The following MYH9 variants were observed in gnomAD, a reference collection of about 807,000 sequenced individuals.
MYH9 encodes myosin-9.
MYH9 carries 29 observed loss-of-function variants against 241.9 expected under a neutral mutation model. The observed-to-expected ratio is 0.12, with a 90% CI of 0.09 to 0.16. The LOEUF (loss-of-function observed/expected upper bound fraction) is 0.16, where lower values mean the gene tolerates loss of function less well. MYH9 is among the 10% of genes least tolerant of loss of function. The probability of loss-of-function intolerance (pLI) is 1.00; values close to 1 mark genes in which losing one functional copy is unlikely to be tolerated. For synonymous variants in MYH9, 1,047 were observed against 1,062.6 expected, an observed-to-expected ratio of 0.99 and a Z score of 0.29; for missense variants, 1,803 against 2,595.5, an observed-to-expected ratio of 0.69 and a Z score of 6.63.
chr22:36,295,420 G>A lies in MYH9; in HGVS notation c.3485+85C>T. ...GGCCACGGTGTGTGTGTGTGTGTGT[G>A]TGCAGAGGCCCGGGGTCCATGTCTC... is the stretch of plus-strand genomic sequence containing the variant. On this transcript the variant is annotated intron_variant, in intron 26 of 40. Coordinates refer to ENST00000216181, the MANE Select transcript of MYH9 (RefSeq NM_002473.6). The surrounding 1 kb of genome is among the most constrained non-coding windows in gnomAD (Gnocchi z 4.1). 1 of 1,077,636 alleles carries A rather than the reference G, an allele frequency of 9.3e-7. No individual in the cohort carries two copies. The highest frequency in any genetic ancestry group is 1.4e-6 in the Non-Finnish European group (1 of 716,782). The allele number at this position is 1,077,636 out of a possible 1,614,324, so 66.8% of individuals were successfully genotyped here.
At chr22:36,371,699 G>A (rs1430492947) in intron 1 of MYH9, among the ~76,000 whole-genome samples, 1 of 152,072 alleles carries the variant, frequency 6.6e-6, no homozygotes, top group Middle Eastern at 3.2e-3. Flanking sequence ...ACCATGCCTG[G>A]CTAATTTTTG....
Position 36,306,081 on chromosome 22 carries a change from C to G in MYH9, c.2038-30G>C. On this transcript the variant is annotated intron_variant, in intron 16 of 40. Transcript: ENST00000216181. The surrounding 1 kb of genome is among the most constrained non-coding windows in gnomAD (Gnocchi z 4.1). ...AGAAGAAAACACATGCATGCGGTCTCACTTCCGTGCCTAGAACAGTCGGAG... is the reference window on the plus strand; with the variant it reads ...AGAAGAAAACACATGCATGCGGTCTGACTTCCGTGCCTAGAACAGTCGGAG... 6.2e-7 allele frequency: 1 copy of G among 1,611,694 alleles called. No individual in the cohort carries two copies. The highest frequency in any genetic ancestry group is 8.5e-7 in the Non-Finnish European group (1 of 1,179,970).
At chr22:36,313,570 C>G (rs1008711902) in intron 13 of MYH9, among the ~76,000 whole-genome samples, 5 of 152,100 alleles carry the variant, frequency 3.3e-5, no homozygotes, top group African/African-American at 1.2e-4. Flanking sequence ...CTCTACCTGG[C>G]AAGAGGTTTA....
intron 23 of MYH9, among the ~76,000 whole-genome samples, chr22:36,299,575 G>A (rs1569535165): frequency 6.6e-6 from 1 of 152,168 alleles, no homozygotes; most frequent in Non-Finnish European, 1.5e-5. Flanking sequence ...CCGGGTGGGC[G>A]TCCTGCCACC....
chr22:36,321,503 G>A (rs1214362682), intron 7 of MYH9, among the ~76,000 whole-genome samples: 4 of 152,302 alleles, frequency 2.6e-5, no homozygotes, highest in East Asian at 3.9e-4. Context: ...CTACCTCTGG[G>A]AGCCACACTA....
chr22:36,302,280 A>T, intron 20 of MYH9: 1 of 368,274 alleles, frequency 2.7e-6, no homozygotes, highest in South Asian at 2.5e-5. Context: ...GGACAAGTTT[A>T]AAAATAAAGA....
intron 1 of MYH9, among the ~76,000 whole-genome samples, chr22:36,382,474 C>CA (rs1359462853): frequency 6.7e-6 from 1 of 149,332 alleles, no homozygotes; most frequent in African/African-American, 2.5e-5. Flanking sequence ...GACTCAGTCT[C>CA]AAAAAACAAA....
intron 3 of MYH9, among the ~76,000 whole-genome samples, chr22:36,331,833 T>C (rs1467553881): frequency 1.3e-5 from 2 of 151,948 alleles, no homozygotes; most frequent in African/African-American, 4.8e-5. Flanking sequence ...GAGAAATGGG[T>C]ATGGGCCAAG....
intron 2 of MYH9, among the ~76,000 whole-genome samples, chr22:36,347,823 T>C (rs991568246): frequency 2.3e-4 from 28 of 120,510 alleles, no homozygotes; most frequent in African/African-American, 8.7e-4. Flanking sequence ...AAAAAAACAA[T>C]AGTAAGATGG....
Position 36,286,749 on chromosome 22 carries a change from C to T in MYH9, c.5030G>A (p.Ser1677Asn), listed in dbSNP as rs1384893810. ...CAACTGGATCATCTCGGCCTCCATGCTCTTCAGCTTCTTCTCGTTCTCTTT... is the reference window on the plus strand; with the variant it reads ...CAACTGGATCATCTCGGCCTCCATGTTCTTCAGCTTCTTCTCGTTCTCTTT... ...QAKENEKKLK[S>N]MEAEMIQLQE... The change falls in exon 35 of 41, where the codon AGC becomes AAC. Residue 1677 changes from serine (S) to asparagine (N), a missense_variant. Ser to Asn is a conservative substitution (Grantham distance 46). Coordinates refer to ENST00000216181, the MANE Select transcript of MYH9 (RefSeq NM_002473.6). 1 of 1,613,286 alleles carries T rather than the reference C, an allele frequency of 6.2e-7. No homozygotes were observed. The highest frequency in any genetic ancestry group is 1.7e-5 in the Admixed American group (1 of 60,036).
At chr22:36,317,939 C>T (rs1435997158) in intron 11 of MYH9, among the ~76,000 whole-genome samples, 2 of 152,232 alleles carry the variant, frequency 1.3e-5, no homozygotes, top group Non-Finnish European at 2.9e-5. Flanking sequence ...ACCAATCAGC[C>T]AAAATACCAT....
chr22:36,349,839 A>G (rs983313534), intron 1 of MYH9, among the ~76,000 whole-genome samples: 23 of 152,226 alleles, frequency 1.5e-4, no homozygotes, highest in African/African-American at 4.6e-4. Context: ...GACAGATGCA[A>G]TTCAAGTCGC....
At position 36,293,260 on chromosome 22, in the gene MYH9, G is replaced by T; in HGVS notation, c.4095+69C>A. The T allele has an allele frequency of 6.2e-7, 1 of 1,601,358 alleles. No individual in the cohort carries two copies. On this transcript the variant is annotated intron_variant, in intron 30 of 40. Transcript: ENST00000216181. The surrounding 1 kb of genome is among the most constrained non-coding windows in gnomAD (Gnocchi z 5.1). ...CCAGCGGGCAGGGCTGTCCTGCAGTGCCCAGGCCAGTGCCCGGCCAGCAGC... is the reference window on the plus strand; with the variant it reads ...CCAGCGGGCAGGGCTGTCCTGCAGTTCCCAGGCCAGTGCCCGGCCAGCAGC...
chr22:36,318,344 T>C lies in MYH9; in HGVS notation c.1109-19A>G, dbSNP rs758790336. ...TGGGCAGCTAAGATTTTTCAGAGAA[T>C]AAGAGAGGGACAAAAAGTCCTAATT... On this transcript the variant is annotated intron_variant, in intron 10 of 40. Transcript: ENST00000216181. 3.2e-6 allele frequency: 5 copies of C among 1,585,702 alleles called. No individual in the cohort carries two copies. The South Asian group carries it at 4.4e-5, about 14-fold the overall frequency.
chr22:36,380,463 G>A (rs1217482829), intron 1 of MYH9, among the ~76,000 whole-genome samples: 2 of 152,314 alleles, frequency 1.3e-5, no homozygotes, highest in East Asian at 1.9e-4. Flanking sequence ...CCAGGTGGCC[G>A]GGTGCGGTGG....
In MYH9 at chr22:36,320,744, C is replaced by T; in HGVS notation, c.868+54G>A. 1 of 1,478,728 alleles carries T rather than the reference C, an allele frequency of 6.8e-7. No homozygotes were observed. The highest frequency in any genetic ancestry group is 1.1e-5 in the South Asian group (1 of 87,316). The allele number at this position is 1,478,728 out of a possible 1,614,324, so 91.6% of individuals were successfully genotyped here. ...AATGATGTCTACGGTCCAATTCTGGCAAGAGGCCCAGAGCCCGGCAGCCCC... is the reference window on the plus strand; with the variant it reads ...AATGATGTCTACGGTCCAATTCTGGTAAGAGGCCCAGAGCCCGGCAGCCCC... On this transcript the variant is annotated intron_variant, in intron 8 of 40. Coordinates refer to ENST00000216181, the MANE Select transcript of MYH9 (RefSeq NM_002473.6). The surrounding 1 kb of genome is among the most constrained non-coding windows in gnomAD (Gnocchi z 4.8).
At position 36,349,203 on chromosome 22, in the gene MYH9, C is replaced by G. The variant is rs745587751; in HGVS notation, c.34G>C (p.Val12Leu). ...GGATTGTTGATGAAGTTTTTATCCA[C>G]ATAGAGATACTTATCGGCAGCTTGC... ...AQQAADKYLY[V>L]DKNFINNPLA... Residue 12 changes from valine to leucine, a missense_variant, in exon 2 of 41, where the codon GTG becomes CTG. Val to Leu is a conservative substitution (Grantham distance 32, BLOSUM62 1). Around this residue, in one of 11 missense-constraint regions of MYH9, gnomAD observed 75 missense variants for 79.1 expected, o/e 0.95. Coordinates refer to ENST00000216181, the MANE Select transcript of MYH9 (RefSeq NM_002473.6). 1 of 1,614,214 alleles carries G rather than the reference C, an allele frequency of 6.2e-7. No individual in the cohort carries two copies.
At chr22:36,322,361 G>A (rs2017267506) in intron 6 of MYH9, 68 bp downstream of exon 6, 13 of 1,534,960 alleles carry the variant, frequency 8.5e-6, no homozygotes, top group Non-Finnish European at 1.2e-5. Flanking sequence ...CCAGGAAAAG[G>A]CAGCATGAGC....
intron 1 of MYH9, among the ~76,000 whole-genome samples, chr22:36,363,430 C>T (rs2017965397): frequency 6.6e-6 from 1 of 152,082 alleles, no homozygotes; most frequent in South Asian, 2.1e-4. Context: ...AGAATGACCA[C>T]TCCAAGGGTA....
Sources: allele counts gnomAD v4.1 joint callset (sites outside exome capture counted in the v4.1 genomes callset), GRCh38; gene constraint gnomAD v4.1.1; regional missense constraint gnomAD v4.1.1; non-coding constraint Gnocchi (gnomAD v3.1); transcripts MANE v1.5; gene names NCBI Gene and HGNC (gene_info 2026-07-23, HGNC 2026-07-21).